The following MIER1 variants were observed in gnomAD, a reference collection of about 807,000 sequenced individuals.
The protein encoded by MIER1 is MIER1 transcriptional regulator.
In MIER1, 40 loss-of-function variants were observed where a neutral mutation model predicts 75.7. The observed-to-expected ratio is 0.53, with a 90% confidence interval of 0.41 to 0.69. The LOEUF is 0.69. Among genes scored for constraint, MIER1 ranks in the 30% least tolerant of loss-of-function variants. The pLI, the probability that MIER1 is intolerant of heterozygous loss-of-function variation, is 0.00. For missense variants in MIER1, 574 were observed against 680.2 expected, an observed-to-expected ratio of 0.84 and a Z score of 1.74; for synonymous variants, 213 against 223.4, an observed-to-expected ratio of 0.95 and a Z score of 0.42.
chr1:66,925,037 G>A lies in MIER1; in HGVS notation c.9G>A (p.Gly3=), dbSNP rs1281286494. 5 of 1,549,312 alleles carry A rather than the reference G, an allele frequency of 3.2e-6. No homozygotes were observed. Among genetic ancestry groups the A allele is most frequent in the East Asian group, 4.9e-5 (2 of 40,956 alleles). The part of the protein sequence containing the change: MD[G]ASSGGGGSSE... ...CTCCCGGCTGCAGGCGGATGGATGG[G>A]GCTTCTTCAGGCGGTGGCGGCAGCA... The change falls in exon 1 of 14, where the codon GGG becomes GGA. Residue 3 remains glycine (G), a synonymous_variant. Coordinates refer to ENST00000401041, the MANE Select transcript of MIER1 (RefSeq NM_001077700.3).
rs116391508 is a variant in MIER1 at position 66,943,662 on chromosome 1, C to T, written c.194-2488C>T. 3.8e-3 allele frequency among the ~76,000 whole-genome samples: 574 copies of T among 152,176 alleles called. 4 individuals carry two copies. Among genetic ancestry groups the T allele is most frequent in the African/African-American group, 0.013 (554 of 41,514 alleles). ...CCTGAACCCCTGAGCTCAAGCAGTC[C>T]TCCTGCCTTGGCCTCCTAAAGTGCT... On this transcript the variant is annotated intron_variant, in intron 3 of 13. Transcript: ENST00000401041.
rs766225087 is a variant in MIER1, at chr1:66,984,860, C to A, written c.1658C>A (p.Ser553Ter). 1 of 1,598,188 alleles carries A rather than the reference C, an allele frequency of 6.3e-7. No homozygotes were observed. Among genetic ancestry groups the A allele is most frequent in the Non-Finnish European group, 8.5e-7 (1 of 1,175,686 alleles). The stretch of plus-strand genomic sequence containing the variant: ...TCTGAATTTTTCCAAGAAGCAGTCT[C>A]ACATGGGAAATTTGAAGAACTTGAA... ...GSSEFFQEAVSHGKFEELENT... is the reference protein window; with the variant it reads ...GSSEFFQEAV Residue 553 changes from serine to a stop codon, truncating the protein, a stop_gained, in exon 14 of 14, where the codon TCA becomes TAA. Transcript: ENST00000401041. LOFTEE classifies it high-confidence loss of function.
chr1:66,929,418 T>G (rs2101022736), intron 2 of MIER1, among the ~76,000 whole-genome samples: 1 of 152,364 alleles, frequency 6.6e-6, no homozygotes, highest in East Asian at 1.9e-4. Context: ...CTTAGTATAA[T>G]GGAAGTGAAA....
chr1:66,978,571 C>T (rs935917466), intron 12 of MIER1, among the ~76,000 whole-genome samples: 1 of 152,090 alleles, frequency 6.6e-6, no homozygotes. Context: ...GATACAGCAT[C>T]TAGTCTGCAG....
In MIER1 at chr1:66,939,717, A is replaced by G. The variant is rs529946303; in HGVS notation, c.169-311A>G. Reference sequence around the variant, plus strand: ...ATTTCAGAAAATTCCAAGATCTAAAATCATACTACTTAAACCACATATGTT... The same window carrying G: ...ATTTCAGAAAATTCCAAGATCTAAAGTCATACTACTTAAACCACATATGTT... On this transcript the variant is annotated intron_variant, in intron 2 of 13. Transcript: ENST00000401041. 4.6e-5 allele frequency among the ~76,000 whole-genome samples: 7 copies of G among 152,240 alleles called. No homozygotes were observed. The East Asian group carries it at 9.6e-4, about 21-fold the overall frequency.
At chr1:66,975,524 T>C (rs771052937) in intron 11 of MIER1, among the ~76,000 whole-genome samples, 6 of 143,924 alleles carry the variant, frequency 4.2e-5, no homozygotes, top group Non-Finnish European at 9.3e-5. Flanking sequence ...TGACACTATC[T>C]CAAAAAAAAA....
intron 7 of MIER1, among the ~76,000 whole-genome samples, chr1:66,962,004 C>T (rs1216077051): frequency 1.3e-5 from 2 of 152,154 alleles, no homozygotes; most frequent in Non-Finnish European, 2.9e-5. Context: ...AGAGACTTTC[C>T]AAATCCTAAG....
At chr1:66,936,998 C>CAAAAAAAA (rs751644771) in intron 2 of MIER1, among the ~76,000 whole-genome samples, 44 of 68,246 alleles carry the variant, frequency 6.4e-4, no homozygotes, top group Non-Finnish European at 7.1e-4. Context: ...GACTCCATCT[C>CAAAAAAAA]AAAAAAAAAA....
At position 66,987,000 on chromosome 1, in the gene MIER1, G is replaced by A. The variant is rs1570583624; in HGVS notation, c.*2100G>A. 6 of 151,088 alleles carry A rather than the reference G, an allele frequency of 4.0e-5. No homozygotes were observed. In the Admixed American group the frequency reaches 4.0e-4, roughly 10 times the overall value. 9.4% of individuals were successfully genotyped at this position (151,088 alleles called of 1,614,324 possible). On this transcript the variant is annotated 3_prime_UTR_variant, in exon 14 of 14. Transcript: ENST00000401041. The stretch of plus-strand genomic sequence containing the variant: ...AGATGCATTTTATTTGCAGGTTTGT[G>A]AAGTTCTTGCAAACTCTTACTACAG...
rs199861834 is a variant in MIER1, at chr1:66,958,064, C to G, written c.345C>G (p.Gly115=). 22 of 1,574,650 alleles carry G rather than the reference C, an allele frequency of 1.4e-5. No homozygotes were observed. In the East Asian group the frequency reaches 5.0e-4, roughly 36 times the overall value. ...TTTTATTTTGATTTATTTAGGAAGG[C>G]GACATGCCAATTCATGAACTTCTCA... ...SSEIEDLARE[G]DMPIHELLSL... is the part of the protein sequence containing the mutation. Residue 115 remains glycine, a synonymous_variant, in exon 5 of 14, where the codon GGC becomes GGG. Coordinates refer to ENST00000401041, the MANE Select transcript of MIER1 (RefSeq NM_001077700.3).
chr1:66,961,556 TTAAAC>T (rs1388067578), intron 7 of MIER1, among the ~76,000 whole-genome samples: 1 of 152,212 alleles, frequency 6.6e-6, no homozygotes, highest in African/African-American at 2.4e-5. Context: ...GTACCTATCT[TTAAAC>T]TAATCCAGAT....
chr1:66,970,046 C>T (rs553118892), intron 8 of MIER1, among the ~76,000 whole-genome samples: 118 of 152,286 alleles, frequency 7.7e-4, no homozygotes, highest in Middle Eastern at 3.4e-3. Context: ...CTTGGTATTT[C>T]TTCTGTTTGT....
At chr1:66,960,800 G>T (rs1370659206) in intron 7 of MIER1, among the ~76,000 whole-genome samples, 1 of 152,176 alleles carries the variant, frequency 6.6e-6, no homozygotes, top group Non-Finnish European at 1.5e-5. Context: ...AATTTGTGTG[G>T]CCTATTTGGG....
intron 4 of MIER1, among the ~76,000 whole-genome samples, chr1:66,949,108 G>T (rs114694080): frequency 0.014 from 2,077 of 152,232 alleles, 20 homozygotes; most frequent in Middle Eastern, 0.024. Context: ...ATTCAGAGAA[G>T]ATCTATCACT....
At chr1:66,966,695 C>T (rs1662481076) in intron 8 of MIER1, among the ~76,000 whole-genome samples, 1 of 152,204 alleles carries the variant, frequency 6.6e-6, no homozygotes. Context: ...TCTCCAGCAC[C>T]TGTTGTTTCC....
rs771627918 is a variant in MIER1, at chr1:66,981,728, T to A, written c.1230-51T>A. 10 of 1,461,830 alleles carry A rather than the reference T, an allele frequency of 6.8e-6. No homozygotes were observed. The Admixed American group carries it at 2.1e-4, about 31-fold the overall frequency. The allele number at this position is 1,461,830 out of a possible 1,614,324, so 90.6% of individuals were successfully genotyped here. ...GCCTTCTGAATTTAACCTCAACTAATTTTTAATTTTCAGCTCTTTTTAATA... is the reference window on the plus strand; with the variant it reads ...GCCTTCTGAATTTAACCTCAACTAAATTTTAATTTTCAGCTCTTTTTAATA... On this transcript the variant is annotated intron_variant, in intron 12 of 13. Transcript: ENST00000401041.
At chr1:66,962,843 T>A (rs1478386756) in intron 7 of MIER1, among the ~76,000 whole-genome samples, 1 of 152,212 alleles carries the variant, frequency 6.6e-6, no homozygotes, top group African/African-American at 2.4e-5. Context: ...TTTGTCTCTA[T>A]ATTTTGAAAT....
At chr1:66,971,876 T>C (rs1570463068) in intron 10 of MIER1, 140 bp downstream of exon 10, 1 of 494,512 alleles carries the variant, frequency 2.0e-6, no homozygotes. Flanking sequence ...CAAGTATTAC[T>C]AAACAAATCG....
At chr1:66,955,338 T>TTTG (rs2101650946) in intron 4 of MIER1, among the ~76,000 whole-genome samples, 2 of 132,502 alleles carry the variant, frequency 1.5e-5, no homozygotes, top group South Asian at 5.1e-4. Flanking sequence ...TCACCTGAGT[T>TTTG]TTTTTTTTTT....
Sources: gnomAD v4.1 joint callset for allele counts (sites outside exome capture counted in the v4.1 genomes callset) on GRCh38, gnomAD v4.1.1 for gene constraint, MANE v1.5 for transcripts, NCBI Gene and HGNC (gene_info 2026-07-23, HGNC 2026-07-21) for gene names.